Variants in ADAM15 observed in about 807,000 individuals in gnomAD.
ADAM15 encodes ADAM metallopeptidase domain 15, also known as disintegrin and metalloproteinase domain-containing protein 15.
ADAM15 carries 77 observed loss-of-function variants against 113.8 expected under a neutral mutation model. The ratio of observed to expected loss-of-function variants is 0.68; its 90% CI spans 0.56 to 0.82. ADAM15 has a LOEUF of 0.82. Among genes scored for constraint, ADAM15 ranks in the 40% least tolerant of loss-of-function variants. The pLI, the probability that ADAM15 is intolerant of heterozygous loss-of-function variation, is 0.00. For synonymous variants in ADAM15, 388 were observed against 454.1 expected (o/e 0.85, Z 1.85); for missense variants, 963 against 1,120.1 (o/e 0.86, Z 2.00).
Position 155,057,790 on chromosome 1 carries a change from C to T in ADAM15, c.1416+61C>T. On this transcript the variant is annotated intron_variant, in intron 13 of 22. Coordinates refer to ENST00000356955, the MANE Select transcript of ADAM15 (RefSeq NM_207197.3). This position sits in a 1 kb window ranked among gnomAD's most constrained non-coding sequence, Gnocchi z 5.0. Reference sequence around the variant, plus strand: ...CTGCCGGGGCCAAGGTGGAAAGGGTCATTCTGACCCCCGGCTGGATTTGCT... The same window carrying T: ...CTGCCGGGGCCAAGGTGGAAAGGGTTATTCTGACCCCCGGCTGGATTTGCT... 6.2e-7 allele frequency: 1 copy of T among 1,613,430 alleles called. No homozygotes were observed. Among genetic ancestry groups the T allele is most frequent in the Non-Finnish European group, 8.5e-7 (1 of 1,179,424 alleles).
At position 155,052,755 on chromosome 1, in the gene ADAM15, T is replaced by A; in HGVS notation, c.164T>A (p.Ile55Asn). Residue 55 changes from isoleucine (I) to asparagine (N), a missense_variant, in exon 2 of 23, where the codon ATT becomes AAT. Physicochemically the swap from Ile to Asn is moderately radical, Grantham distance 149. Coordinates refer to ENST00000356955, the MANE Select transcript of ADAM15 (RefSeq NM_207197.3). ...EPQVLQDDLP[I>N]SLKKVLQTSL... Reference sequence around the variant, plus strand: ...CAGGTCCTTCAGGACGATCTCCCAATTAGCCTCAAAAAGGTGCTTCAGGTG... The same window carrying A: ...CAGGTCCTTCAGGACGATCTCCCAAATAGCCTCAAAAAGGTGCTTCAGGTG... The A allele has an allele frequency of 6.2e-7, 1 of 1,612,294 alleles. No individual in the cohort carries two copies. Among genetic ancestry groups the A allele is most frequent in the Non-Finnish European group, 8.5e-7 (1 of 1,179,386 alleles).
intron 6 of ADAM15, among the ~76,000 whole-genome samples, chr1:155,054,932 G>A (rs1211925229): frequency 6.6e-6 from 1 of 152,032 alleles, no homozygotes; most frequent in South Asian, 2.1e-4. Flanking sequence ...TGGTTTGCCC[G>A]AGGCCCTACA....
In ADAM15 at chr1:155,061,743, A is replaced by G. The variant is rs527680262; in HGVS notation, c.2353-161A>G. The G allele has an allele frequency of 7.8e-4, 694 of 888,438 alleles. 1 individual carries two copies. Among genetic ancestry groups the G allele is most frequent in the Non-Finnish European group, 1.1e-3 (620 of 579,302 alleles). 55.0% of individuals were successfully genotyped at this position (888,438 alleles called of 1,614,324 possible). A position where few individuals can be genotyped will look rare whatever the true frequency, so the allele number is the denominator to read the frequency against. On this transcript the variant is annotated intron_variant, in intron 20 of 22. Coordinates refer to ENST00000356955, the MANE Select transcript of ADAM15 (RefSeq NM_207197.3). ...GGTTGACCTACACCTTCCTCCCCTG[A>G]GACATCAGCTGGCATGCCTCCAAGC... is the stretch of plus-strand genomic sequence containing the variant.
In ADAM15 at chr1:155,051,370, C is replaced by T; in HGVS notation, c.-17C>T. The T allele has an allele frequency of 4.0e-6, 6 of 1,494,838 alleles. No individual in the cohort carries two copies. Among genetic ancestry groups the T allele is most frequent in the Non-Finnish European group, 4.4e-6 (5 of 1,125,462 alleles). 92.6% of individuals were successfully genotyped at this position (1,494,838 alleles called of 1,614,324 possible). On this transcript the variant is annotated 5_prime_UTR_variant, in exon 1 of 23. Coordinates refer to ENST00000356955, the MANE Select transcript of ADAM15 (RefSeq NM_207197.3). Reference sequence around the variant, plus strand: ...TTCCGCACTTGCTGCCCTCGCCCGGCCCGGAGCGCCGCTGCCATGCGGCTG... The same window carrying T: ...TTCCGCACTTGCTGCCCTCGCCCGGTCCGGAGCGCCGCTGCCATGCGGCTG...
rs1169649294 is a variant in ADAM15 at position 155,058,641 on chromosome 1, C to T, written c.1918-69C>T. ...TGTAAACGCAGGGTATGGCCTCAAC[C>T]TTATTGGCCTCCCAGTCCCATTAAA... On this transcript the variant is annotated intron_variant, in intron 15 of 22. Transcript: ENST00000356955. The surrounding 1 kb of genome is among the most constrained non-coding windows in gnomAD (Gnocchi z 4.3). 6 of 1,572,346 alleles carry T rather than the reference C, an allele frequency of 3.8e-6. No homozygotes were observed. The African/African-American group carries it at 4.1e-5, about 11-fold the overall frequency.
At chr1:155,052,837 G>A (rs946320988) in intron 2 of ADAM15, 60 bp downstream of exon 2, 5 of 1,537,984 alleles carry the variant, frequency 3.3e-6, no homozygotes, top group Non-Finnish European at 4.4e-6. Context: ...GTATAGCCAG[G>A]TGTCTCAAAG....
intron 20 of ADAM15, 168 bp from the exon 21 acceptor site, chr1:155,061,736 T>TC (rs1385132306): frequency 4.7e-6 from 4 of 855,812 alleles, no homozygotes; most frequent in Non-Finnish European, 7.2e-6. Context: ...TACACCTTCC[T>TC]CCCCTGAGAC....
intron 6 of ADAM15, among the ~76,000 whole-genome samples, chr1:155,055,168 C>T (rs556498526): frequency 1.3e-5 from 2 of 152,086 alleles, no homozygotes; most frequent in Admixed American, 1.3e-4. Context: ...GTGCTTAAAA[C>T]TATGCCAGAC....
chr1:155,060,134 C>T (rs1662371311), intron 17 of ADAM15, 71 bp from the exon 18 acceptor site: 2 of 1,594,700 alleles, frequency 1.3e-6, no homozygotes, highest in South Asian at 2.2e-5. Context: ...ACTTCACTCC[C>T]TGCCCCCTGC....
At chr1:155,053,111 C>T (rs951253261) in intron 2 of ADAM15, among the ~76,000 whole-genome samples, 5 of 125,872 alleles carry the variant, frequency 4.0e-5, no homozygotes, top group Admixed American at 7.6e-5. Flanking sequence ...TACCAAACCC[C>T]CCCCCCCCCA....
chr1:155,051,532 A>AT, intron 1 of ADAM15, 67 bp downstream of exon 1: 1 of 1,403,170 alleles, frequency 7.1e-7, no homozygotes, highest in South Asian at 1.4e-5. Context: ...GTCGGAAGGC[A>AT]TTAGGGTAAT....
chr1:155,053,924 G>A lies in ADAM15; in HGVS notation c.278G>A (p.Gly93Asp), dbSNP rs763731356. 1.2e-6 allele frequency: 2 copies of A among 1,614,138 alleles called. No individual in the cohort carries two copies. The highest frequency in any genetic ancestry group is 8.5e-7 in the Non-Finnish European group (1 of 1,180,020). Residue 93 changes from glycine (G) to aspartate (D), a missense_variant, in exon 4 of 23, where the codon GGC becomes GAC. By Grantham distance (94) the Gly-to-Asp change is moderately conservative. Transcript: ENST00000356955. Reference sequence around the variant, plus strand: ...TCACTCCACAGGGAGTTGGTCCCAGGCCGCCCAACCCTGGTGTGGTACCAG... The same window carrying A: ...TCACTCCACAGGGAGTTGGTCCCAGACCGCCCAACCCTGGTGTGGTACCAG... ...ELLQNRELVP[G>D]RPTLVWYQPD... is the part of the protein sequence containing the mutation.
chr1:155,057,137 AG>A lies in ADAM15; in HGVS notation c.1148+41del, dbSNP rs1661868395. On this transcript the variant is annotated intron_variant, in intron 11 of 22. Transcript: ENST00000356955. This position sits in a 1 kb window ranked among gnomAD's most constrained non-coding sequence, Gnocchi z 5.0. ...GCAGGATGGAGAGAGGGTGTGGGGC[AG>A]GGGGCAGGGAGAGGCCCCCAGCCCC... 4 of 1,583,406 alleles carry A rather than the reference AG, an allele frequency of 2.5e-6. No individual in the cohort carries two copies. In the East Asian group the frequency reaches 9.0e-5, roughly 36 times the overall value.
In ADAM15 at chr1:155,058,233, C is replaced by T; in HGVS notation, c.1722-13C>T. On this transcript the variant is annotated splice_polypyrimidine_tract_variant and intron_variant, in intron 14 of 22. Coordinates refer to ENST00000356955, the MANE Select transcript of ADAM15 (RefSeq NM_207197.3). The surrounding 1 kb of genome is among the most constrained non-coding windows in gnomAD (Gnocchi z 4.3). ...CTCCTACTAACTCTGTGTGCCCTTC[C>T]CCCTCCCCACAGAGATGCCATTTGT... 1.2e-6 allele frequency: 2 copies of T among 1,613,928 alleles called. No homozygotes were observed. The highest frequency in any genetic ancestry group is 1.7e-6 in the Non-Finnish European group (2 of 1,179,944).
Position 155,051,456 on chromosome 1 carries a change from C to T in ADAM15, c.70C>T (p.Pro24Ser), listed in dbSNP as rs1296725358. 1 of 1,567,260 alleles carries T rather than the reference C, an allele frequency of 6.4e-7. No individual in the cohort carries two copies. Among genetic ancestry groups the T allele is most frequent in the South Asian group, 1.2e-5 (1 of 85,438 alleles). The change falls in exon 1 of 23, where the codon CCA becomes TCA. Residue 24 changes from proline (P) to serine (S), a missense_variant. Coordinates refer to ENST00000356955, the MANE Select transcript of ADAM15 (RefSeq NM_207197.3). ...CAGCCCTCTGCCTTCCTGGCCGCTC[C>T]CAAATATAGGTGAGTCCTCCGCCTG... ...AGSPLPSWPL[P>S]NIGGTEEQQA...
intron 18 of ADAM15, 27 bp downstream of exon 18, chr1:155,060,370 C>T (rs371939113): frequency 5.3e-5 from 85 of 1,611,562 alleles, no homozygotes; most frequent in Non-Finnish European, 6.9e-5. Context: ...CCTGCTACCA[C>T]TTCCTTCAAC....
At chr1:155,051,747 T>C (rs968590347) in intron 1 of ADAM15, 3 of 341,374 alleles carry the variant, frequency 8.8e-6, no homozygotes, top group Non-Finnish European at 1.1e-5. Flanking sequence ...GAGGGGCCTG[T>C]CCAGCGCCAC....
chr1:155,061,040 T>C, intron 19 of ADAM15: 1 of 598,916 alleles, frequency 1.7e-6, no homozygotes, highest in South Asian at 2.1e-5. Context: ...GGCAGCCAGC[T>C]GGAGCAGGAG....
At position 155,058,149 on chromosome 1, in the gene ADAM15, C is replaced by T. The variant is rs1161775293; in HGVS notation, c.1715C>T (p.Thr572Ile). Residue 572 changes from threonine to isoleucine, a missense_variant, in exon 14 of 23, where the codon ACC becomes ATC. Transcript: ENST00000356955. This position sits in a 1 kb window ranked among gnomAD's most constrained non-coding sequence, Gnocchi z 4.3. ...CCCAGTGGCAGTTATGTGTCCTGCA[C>T]CCCTAGGTAAGTGAGGAAACCTGGC... ...RNPSGSYVSC[T>I]PRDAICGQLQ... is the part of the protein sequence containing the mutation. The T allele has an allele frequency of 1.2e-6, 2 of 1,611,792 alleles. No homozygotes were observed. The highest frequency in any genetic ancestry group is 1.3e-5 in the African/African-American group (1 of 74,986).
Sources: allele counts gnomAD v4.1 joint callset (sites outside exome capture counted in the v4.1 genomes callset), GRCh38; gene constraint gnomAD v4.1.1; non-coding constraint Gnocchi (gnomAD v3.1); transcripts MANE v1.5; gene names NCBI Gene and HGNC (gene_info 2026-07-23, HGNC 2026-07-21).